The following PKP4 variants were observed in gnomAD, a reference collection of about 807,000 sequenced individuals.
PKP4 encodes the protein plakophilin 4, also known as plakophilin-4.
Under a neutral mutation model 145.1 loss-of-function variants are expected in PKP4, and 90 were observed. The ratio of observed to expected loss-of-function variants is 0.62; its 90% confidence interval spans 0.52 to 0.74. The LOEUF (loss-of-function observed/expected upper bound fraction) is 0.74, where lower values mean the gene tolerates loss of function less well. Among genes scored for constraint, PKP4 ranks in the 30% least tolerant of loss-of-function variants. The pLI is 0.00. For missense variants in PKP4, 1,340 were observed against 1,482.7 expected (o/e 0.90, Z 1.58); for synonymous variants, 563 against 577.2 (o/e 0.98, Z 0.35).
chr2:158,493,961 A>G (rs1354437592), intron 1 of PKP4, among the ~76,000 whole-genome samples: 1 of 152,156 alleles, frequency 6.6e-6, no homozygotes, highest in Non-Finnish European at 1.5e-5. Context: ...TGGGGAAGAA[A>G]TGAATGGAGT....
chr2:158,649,031 C>G (rs1228241655), intron 11 of PKP4, among the ~76,000 whole-genome samples: 1 of 152,154 alleles, frequency 6.6e-6, no homozygotes, highest in Non-Finnish European at 1.5e-5. Flanking sequence ...GAAACATTCC[C>G]TTATTCACTG....
chr2:158,592,454 A>G (rs1000576547), intron 3 of PKP4, among the ~76,000 whole-genome samples: 2 of 152,060 alleles, frequency 1.3e-5, no homozygotes, highest in African/African-American at 4.8e-5. Context: ...TAAAACAGCT[A>G]TTCATGTTTC....
chr2:158,551,845 G>A (rs2045653364), intron 2 of PKP4, among the ~76,000 whole-genome samples: 1 of 152,166 alleles, frequency 6.6e-6, no homozygotes, highest in African/African-American at 2.4e-5. Flanking sequence ...GCAATATTAA[G>A]TAGTAATTTT....
chr2:158,648,946 C>T (rs2055084466), intron 11 of PKP4, among the ~76,000 whole-genome samples: 1 of 152,172 alleles, frequency 6.6e-6, no homozygotes. Flanking sequence ...TGCAGCGAGT[C>T]GACATCGCGC....
rs374109260 is a variant in PKP4 at position 158,513,600 on chromosome 2, T to C, written c.-5-19580T>C. Among the ~76,000 whole-genome samples, 13 of 152,156 alleles carry C rather than the reference T, an allele frequency of 8.5e-5. No individual in the cohort carries two copies. In the East Asian group the frequency reaches 2.3e-3, roughly 27 times the overall value. On this transcript the variant is annotated intron_variant, in intron 1 of 21. Transcript: ENST00000389759. ...TGCTTCCTAGCTCCTCACCGGGCTTTCCAGACATTTCCCCAGTACTCCTAA... is the reference window on the plus strand; with the variant it reads ...TGCTTCCTAGCTCCTCACCGGGCTTCCCAGACATTTCCCCAGTACTCCTAA...
chr2:158,606,901 A>G (rs990172196), intron 4 of PKP4, among the ~76,000 whole-genome samples: 2 of 152,132 alleles, frequency 1.3e-5, no homozygotes, highest in Non-Finnish European at 2.9e-5. Flanking sequence ...CAGTTGGGAG[A>G]TAGGGGAATT....
At position 158,523,324 on chromosome 2, in the gene PKP4, CT is replaced by C. The variant is rs1376180421; in HGVS notation, c.-5-9855del. Among the ~76,000 whole-genome samples, 3 of 108,422 alleles carry C rather than the reference CT, an allele frequency of 2.8e-5. No individual in the cohort carries two copies. In the South Asian group the frequency reaches 1.2e-3, roughly 44 times the overall value. The allele number at this position is 108,422 out of a possible 152,430, so 71.1% of individuals were successfully genotyped here. A position where few individuals can be genotyped will look rare whatever the true frequency, so the allele number is the denominator to read the frequency against. ...ACCTCCTCAAGTGGGTCCCTGACCC[CT>C]GACCCCCGAGCAGCCTAACCGGGAG... On this transcript the variant is annotated intron_variant, in intron 1 of 21. Coordinates refer to ENST00000389759, the MANE Select transcript of PKP4 (RefSeq NM_003628.6).
intron 11 of PKP4, among the ~76,000 whole-genome samples, chr2:158,655,610 C>T (rs957640644): frequency 6.6e-6 from 1 of 152,176 alleles, no homozygotes; most frequent in African/African-American, 2.4e-5. Context: ...TTGCAGCTAA[C>T]TTTACTGGAA....
chr2:158,664,066 G>A (rs1013800947), intron 15 of PKP4, among the ~76,000 whole-genome samples: 8 of 152,228 alleles, frequency 5.3e-5, no homozygotes, highest in African/African-American at 1.9e-4. Context: ...AGGGACTACC[G>A]AAAGAGTCTG....
At position 158,638,343 on chromosome 2, in the gene PKP4, T is replaced by C. The variant is rs564266150; in HGVS notation, c.1563-2284T>C. On this transcript the variant is annotated intron_variant, in intron 9 of 21. Transcript: ENST00000389759. ...AATCATCACAACCAACCAGTGAAGA[T>C]TGAAATATTAGTTTCATTGATCTTG... Among the ~76,000 whole-genome samples the C allele has an allele frequency of 4.6e-5, 7 of 152,338 alleles. No individual in the cohort carries two copies. The South Asian group carries it at 6.2e-4, about 14-fold the overall frequency.
intron 1 of PKP4, among the ~76,000 whole-genome samples, chr2:158,511,302 C>T (rs2041496870): frequency 1.3e-5 from 2 of 152,114 alleles, no homozygotes. Flanking sequence ...AGGAGAATCA[C>T]TTGAACCCAG....
intron 9 of PKP4, among the ~76,000 whole-genome samples, chr2:158,637,836 C>T (rs1453319608): frequency 6.6e-6 from 1 of 152,228 alleles, no homozygotes; most frequent in Admixed American, 6.5e-5. Context: ...CAAATCCTGG[C>T]AGGCATTGAT....
At chr2:158,641,525 T>TA (rs2054282694) in intron 10 of PKP4, among the ~76,000 whole-genome samples, 1 of 152,164 alleles carries the variant, frequency 6.6e-6, no homozygotes, top group Admixed American at 6.5e-5. Context: ...CATAGCAAGT[T>TA]ACTGGTTATT....
chr2:158,465,352 GATAA>G (rs1327915928), intron 1 of PKP4, among the ~76,000 whole-genome samples: 2 of 152,152 alleles, frequency 1.3e-5, no homozygotes, highest in Admixed American at 6.5e-5. Flanking sequence ...CTGCACCAAA[GATAA>G]ATAGTGATTT....
intron 1 of PKP4, among the ~76,000 whole-genome samples, chr2:158,497,109 G>A (rs1695857576): frequency 6.6e-6 from 1 of 152,120 alleles, no homozygotes; most frequent in Admixed American, 6.6e-5. Flanking sequence ...GGTTAAAGAT[G>A]AATCAGGTTC....
chr2:158,607,477 T>C (rs1402307514), intron 4 of PKP4, among the ~76,000 whole-genome samples: 1 of 152,078 alleles, frequency 6.6e-6, no homozygotes, highest in Non-Finnish European at 1.5e-5. Flanking sequence ...ACCCAAGAGA[T>C]AATGATACCA....
At chr2:158,494,502 G>A (rs1695396066) in intron 1 of PKP4, among the ~76,000 whole-genome samples, 1 of 152,102 alleles carries the variant, frequency 6.6e-6, no homozygotes, top group Admixed American at 6.5e-5. Flanking sequence ...GATTTGTTTT[G>A]TAATAACATA....
chr2:158,467,045 A>G (rs1268987633), intron 1 of PKP4, among the ~76,000 whole-genome samples: 1 of 152,222 alleles, frequency 6.6e-6, no homozygotes, highest in Non-Finnish European at 1.5e-5. Context: ...AAATGTTAAG[A>G]GTAATGAAAC....
chr2:158,501,799 A>C, intron 1 of PKP4, among the ~76,000 whole-genome samples: 1 of 152,232 alleles, frequency 6.6e-6, no homozygotes, highest in Middle Eastern at 3.2e-3. Flanking sequence ...TTCTGTCTGC[A>C]CATCCACAGT....
Sources: gnomAD v4.1 joint callset for allele counts (sites outside exome capture counted in the v4.1 genomes callset) on GRCh38, gnomAD v4.1.1 for gene constraint, MANE v1.5 for transcripts, NCBI Gene and HGNC (gene_info 2026-07-23, HGNC 2026-07-21) for gene names.